MAP2: variants seen among roughly 807,000 people sequenced by gnomAD.
MAP2 encodes microtubule associated protein 2.
MAP2 carries 14 observed loss-of-function variants against 137.6 expected under a neutral mutation model. That is an observed-to-expected ratio of 0.10 (90% CI 0.07 to 0.16). MAP2 has a LOEUF of 0.16. MAP2 is among the 10% of genes least tolerant of loss of function. MAP2 has a pLI of 1.00. For synonymous variants in MAP2, 786 were observed against 782.3 expected (o/e 1.00, Z -0.08); for missense variants, 2,088 against 2,191.5 (o/e 0.95, Z 0.94).
At chr2:209,477,711 T>C (rs528886754) in intron 1 of MAP2, among the ~76,000 whole-genome samples, 20 of 152,184 alleles carry the variant, frequency 1.3e-4, no homozygotes, top group Non-Finnish European at 2.5e-4. Context: ...TTGAAAATAC[T>C]AAAGGTTGGG....
At chr2:209,505,481 T>C (rs988250310) in intron 1 of MAP2, among the ~76,000 whole-genome samples, 6 of 152,208 alleles carry the variant, frequency 3.9e-5, no homozygotes, top group Admixed American at 3.9e-4. Flanking sequence ...TTTGTCATTC[T>C]TACTTCATGT....
At position 209,694,724 on chromosome 2, in the gene MAP2, G is replaced by A; in HGVS notation, c.2554G>A (p.Asp852Asn). ...TCGTACTGGCTTGCCCCCGGTAACT[G>A]ATGAAAACCATGTCATTGTAAAAAC... The part of the protein sequence containing the change: ...DSRTGLPPVT[D>N]ENHVIVKTDS... Residue 852 changes from aspartate to asparagine, a missense_variant, in exon 8 of 16, where the codon GAT becomes AAT. This residue lies in a region of MAP2 where 500 missense variants were observed against 482.9 expected (regional missense o/e 1.04). Transcript: ENST00000682079. The A allele has an allele frequency of 6.2e-7, 1 of 1,614,158 alleles. No homozygotes were observed.
intron 1 of MAP2, among the ~76,000 whole-genome samples, chr2:209,432,290 T>C (rs1168229845): frequency 1.3e-5 from 2 of 152,182 alleles, no homozygotes; most frequent in African/African-American, 2.4e-5. Flanking sequence ...CCTACTCTTA[T>C]GTGCCTTCCT....
chr2:209,598,502 G>C (rs2082011470), intron 3 of MAP2, among the ~76,000 whole-genome samples: 1 of 149,726 alleles, frequency 6.7e-6, no homozygotes, highest in Non-Finnish European at 1.5e-5. Context: ...CAATGTGCAG[G>C]TTAGTTACAT....
intron 1 of MAP2, among the ~76,000 whole-genome samples, chr2:209,488,057 G>C (rs565216986): frequency 6.6e-6 from 1 of 152,184 alleles, no homozygotes; most frequent in African/African-American, 2.4e-5. Flanking sequence ...AGCGCAGAAG[G>C]TGTGTGATTT....
chr2:209,455,250 T>A (rs947504432), intron 1 of MAP2, among the ~76,000 whole-genome samples: 11 of 152,212 alleles, frequency 7.2e-5, no homozygotes, highest in African/African-American at 2.7e-4. Flanking sequence ...AACCTTACTT[T>A]ACAAATGAAG....
chr2:209,524,260 G>A (rs1028440929), intron 2 of MAP2, among the ~76,000 whole-genome samples: 7 of 151,944 alleles, frequency 4.6e-5, no homozygotes, highest in Non-Finnish European at 1.0e-4. Context: ...ATAGTTATTT[G>A]TATCTAATTT....
intron 2 of MAP2, among the ~76,000 whole-genome samples, chr2:209,527,263 T>C (rs1040466054): frequency 1.3e-5 from 2 of 152,180 alleles, no homozygotes; most frequent in African/African-American, 4.8e-5. Flanking sequence ...ATATTACTGA[T>C]ATATCTGATA....
At chr2:209,717,289 G>C (rs2068072786) in intron 13 of MAP2, among the ~76,000 whole-genome samples, 1 of 152,082 alleles carries the variant, frequency 6.6e-6, no homozygotes, top group South Asian at 2.1e-4. Flanking sequence ...TGTGAAGAAG[G>C]TGCCTGCTTT....
At chr2:209,660,953 C>T (rs1582659854) in intron 5 of MAP2, among the ~76,000 whole-genome samples, 1 of 148,478 alleles carries the variant, frequency 6.7e-6, no homozygotes, top group East Asian at 2.0e-4. Flanking sequence ...ACTGTGTTAT[C>T]CAGGATGGTC....
At chr2:209,679,799 G>C (rs1039199069) in intron 6 of MAP2, among the ~76,000 whole-genome samples, 1 of 151,824 alleles carries the variant, frequency 6.6e-6, no homozygotes. Context: ...TTTATTCCTT[G>C]AAAGAAAAGA....
intron 1 of MAP2, among the ~76,000 whole-genome samples, chr2:209,444,400 G>A (rs963186371): frequency 6.6e-5 from 10 of 151,496 alleles, no homozygotes; most frequent in African/African-American, 2.2e-4. Context: ...GTACTAATTA[G>A]TATCTTGTAA....
chr2:209,539,934 G>GA (rs397962922), intron 2 of MAP2, among the ~76,000 whole-genome samples: 10,421 of 82,062 alleles, frequency 0.13, 1,288 homozygotes, highest in African/African-American at 0.31. Context: ...CCCATCTCAC[G>GA]AAAAAAAAAA....
chr2:209,572,866 C>T (rs888642533), intron 2 of MAP2, among the ~76,000 whole-genome samples: 4 of 152,108 alleles, frequency 2.6e-5, no homozygotes, highest in Admixed American at 6.6e-5. Context: ...ATATATTTAT[C>T]CTTTAGATGC....
chr2:209,560,084 G>A (rs2071648714), intron 2 of MAP2, among the ~76,000 whole-genome samples: 1 of 152,122 alleles, frequency 6.6e-6, no homozygotes, highest in Non-Finnish European at 1.5e-5. Flanking sequence ...GAGGGTGAAG[G>A]AAATAAATAA....
intron 1 of MAP2, among the ~76,000 whole-genome samples, chr2:209,478,730 C>T (rs1708005347): frequency 6.6e-6 from 1 of 152,124 alleles, no homozygotes; most frequent in Non-Finnish European, 1.5e-5. Flanking sequence ...CTATAAGGTT[C>T]CGCATTTTTA....
intron 1 of MAP2, among the ~76,000 whole-genome samples, chr2:209,473,110 C>T (rs530611930): frequency 6.6e-6 from 1 of 152,158 alleles, no homozygotes; most frequent in Non-Finnish European, 1.5e-5. Flanking sequence ...GTCCTCCCCA[C>T]ATCAACTATT....
chr2:209,535,485 G>T (rs371613299), intron 2 of MAP2, among the ~76,000 whole-genome samples: 1 of 151,160 alleles, frequency 6.6e-6, no homozygotes. Flanking sequence ...GCATCTTTTC[G>T]TCTCTCATAA....
At chr2:209,689,122 T>C (rs1247032244) in intron 7 of MAP2, among the ~76,000 whole-genome samples, 1 of 152,172 alleles carries the variant, frequency 6.6e-6, no homozygotes, top group East Asian at 1.9e-4. Context: ...TCCAAAAAGG[T>C]AACATTATAA....
Sources: gnomAD v4.1 joint callset for allele counts (sites outside exome capture counted in the v4.1 genomes callset) on GRCh38, gnomAD v4.1.1 for gene constraint, gnomAD v4.1.1 regional missense constraint, MANE v1.5 for transcripts, NCBI Gene and HGNC (gene_info 2026-07-23, HGNC 2026-07-21) for gene names.